Variants in CCDC178 observed in about 807,000 individuals in gnomAD.
The protein encoded by CCDC178 is coiled-coil domain-containing protein 178.
In CCDC178, 126 loss-of-function variants were observed where a neutral mutation model predicts 117.4. That is an observed-to-expected ratio of 1.07 (90% CI 0.93 to 1.24). CCDC178 has a LOEUF of 1.24. Among genes scored for constraint, CCDC178 ranks in the 50% most tolerant of loss-of-function variants. The pLI, the probability that CCDC178 is intolerant of heterozygous loss-of-function variation, is 0.00. For synonymous variants in CCDC178, 283 were observed against 313.4 expected, an observed-to-expected ratio of 0.90 and a Z score of 1.02; for missense variants, 1,030 against 986.9, an observed-to-expected ratio of 1.04 and a Z score of -0.59.
intron 11 of CCDC178, among the ~76,000 whole-genome samples, chr18:33,309,394 G>C (rs558955278): frequency 6.6e-6 from 1 of 152,136 alleles, no homozygotes; most frequent in East Asian, 1.9e-4. Context: ...GTTTTCAGAA[G>C]TACTCTAGAT....
chr18:33,186,540 C>T (rs142793684), intron 20 of CCDC178, among the ~76,000 whole-genome samples: 110 of 152,134 alleles, frequency 7.2e-4, no homozygotes, highest in Middle Eastern at 3.4e-3. Flanking sequence ...GAAACAAGGA[C>T]GTAGTTGAGG....
chr18:33,012,313 G>T (rs2144802389), intron 21 of CCDC178, among the ~76,000 whole-genome samples: 1 of 152,172 alleles, frequency 6.6e-6, no homozygotes, highest in Non-Finnish European at 1.5e-5. Flanking sequence ...TTATTTCAAG[G>T]GTGATATTCC....
chr18:33,156,029 T>G (rs954168410), intron 20 of CCDC178, among the ~76,000 whole-genome samples: 2 of 150,964 alleles, frequency 1.3e-5, no homozygotes. Flanking sequence ...GTTACTGTAG[T>G]TATCTTTGAG....
intron 9 of CCDC178, among the ~76,000 whole-genome samples, chr18:33,337,225 T>C (rs571877568): frequency 6.6e-6 from 1 of 152,038 alleles, no homozygotes; most frequent in Admixed American, 6.6e-5. Context: ...AGCTATTGAT[T>C]TGTGTACATT....
At chr18:33,377,085 T>A (rs1186361880) in intron 5 of CCDC178, among the ~76,000 whole-genome samples, 2 of 152,198 alleles carry the variant, frequency 1.3e-5, no homozygotes, top group Non-Finnish European at 2.9e-5. Flanking sequence ...ATAACAATTC[T>A]CTTTTCTCTG....
At chr18:33,325,210 G>GT (rs944824967) in intron 10 of CCDC178, among the ~76,000 whole-genome samples, 1 of 151,662 alleles carries the variant, frequency 6.6e-6, no homozygotes, top group Admixed American at 6.6e-5. Flanking sequence ...AAATTAAGGT[G>GT]TTTTTCAAAT....
chr18:33,257,811 T>C (rs1402826278), intron 14 of CCDC178, among the ~76,000 whole-genome samples: 4 of 152,124 alleles, frequency 2.6e-5, no homozygotes, highest in African/African-American at 4.8e-5. Flanking sequence ...ATCACTGGGC[T>C]GTAAACCAAT....
chr18:32,977,570 A>T (rs2055053723), intron 21 of CCDC178, among the ~76,000 whole-genome samples: 2 of 152,190 alleles, frequency 1.3e-5, no homozygotes, highest in South Asian at 2.1e-4. Flanking sequence ...CTTGTACAAA[A>T]ATTGGACAAT....
chr18:33,099,517 G>A (rs188796112), intron 20 of CCDC178, among the ~76,000 whole-genome samples: 2 of 152,082 alleles, frequency 1.3e-5, no homozygotes, highest in East Asian at 3.9e-4. Flanking sequence ...CTGTTTGTGA[G>A]TAACTTCAAA....
At chr18:33,372,247 C>A (rs2063310283) in intron 5 of CCDC178, among the ~76,000 whole-genome samples, 1 of 152,032 alleles carries the variant, frequency 6.6e-6, no homozygotes, top group Admixed American at 6.6e-5. Context: ...CTTTTTATTT[C>A]ATTGCAAGCA....
chr18:33,202,391 TAAAAAAAAAA>T (rs60997290), intron 20 of CCDC178, among the ~76,000 whole-genome samples: 1 of 20,256 alleles, frequency 4.9e-5, no homozygotes, highest in African/African-American at 1.5e-4. Flanking sequence ...GACTCCATCT[TAAAAAAAAAA>T]AAAAAAAAAA....
At chr18:33,332,680 A>G (rs2062685403) in intron 10 of CCDC178, among the ~76,000 whole-genome samples, 1 of 152,010 alleles carries the variant, frequency 6.6e-6, no homozygotes, top group South Asian at 2.1e-4. Flanking sequence ...GGGTCAAGCA[A>G]TCCTCACACA....
chr18:32,959,017 A>G (rs1051484705), intron 22 of CCDC178, among the ~76,000 whole-genome samples: 3 of 152,198 alleles, frequency 2.0e-5, no homozygotes, highest in Non-Finnish European at 4.4e-5. Flanking sequence ...TGTGGTAACA[A>G]GTTCTCCCAT....
At chr18:33,319,712 C>T (rs1273557944) in intron 11 of CCDC178, among the ~76,000 whole-genome samples, 1 of 152,146 alleles carries the variant, frequency 6.6e-6, no homozygotes, top group African/African-American at 2.4e-5. Context: ...TGTTTCCTGA[C>T]TTTTTAATGA....
intron 4 of CCDC178, among the ~76,000 whole-genome samples, chr18:33,389,970 A>T (rs922319173): frequency 2.0e-5 from 3 of 150,046 alleles, no homozygotes; most frequent in African/African-American, 7.3e-5. Context: ...ATCATTTTTT[A>T]AAAAATGATA....
At chr18:33,021,261 A>G (rs766472123) in intron 21 of CCDC178, among the ~76,000 whole-genome samples, 6 of 152,238 alleles carry the variant, frequency 3.9e-5, no homozygotes, top group South Asian at 2.1e-4. Flanking sequence ...ATCTTTTTAC[A>G]TGAAGCAGTT....
At chr18:33,093,669 T>C (rs2057501251) in intron 20 of CCDC178, among the ~76,000 whole-genome samples, 1 of 151,802 alleles carries the variant, frequency 6.6e-6, no homozygotes, top group Non-Finnish European at 1.5e-5. Context: ...CTGAGTTTAG[T>C]TTCTGATTTT....
chr18:33,358,159 T>C (rs2144719515), intron 6 of CCDC178, among the ~76,000 whole-genome samples: 1 of 152,132 alleles, frequency 6.6e-6, no homozygotes, highest in South Asian at 2.1e-4. Context: ...TACAATATTG[T>C]AATCTCATGA....
At chr18:32,956,267 C>T (rs889324828) in intron 22 of CCDC178, among the ~76,000 whole-genome samples, 1 of 152,092 alleles carries the variant, frequency 6.6e-6, no homozygotes, top group African/African-American at 2.4e-5. Flanking sequence ...TAAGTGCATT[C>T]TGGTGAATTT....
Sources: allele counts gnomAD v4.1 joint callset (sites outside exome capture counted in the v4.1 genomes callset), GRCh38; gene constraint gnomAD v4.1.1; transcripts MANE v1.5; gene names NCBI Gene and HGNC (gene_info 2026-07-23, HGNC 2026-07-21).